JAKMIP3: variants seen among roughly 807,000 people sequenced by gnomAD.
JAKMIP3 encodes the protein janus kinase and microtubule-interacting protein 3.
A neutral mutation model predicts 118.5 loss-of-function variants in JAKMIP3; 58 were observed. The ratio of observed to expected loss-of-function variants is 0.49; its 90% CI spans 0.40 to 0.61. The LOEUF is 0.61. Among genes scored for constraint, JAKMIP3 ranks in the 20% least tolerant of loss-of-function variants. JAKMIP3 has a pLI of 0.00. For synonymous variants in JAKMIP3, 486 were observed against 451.2 expected, an observed-to-expected ratio of 1.08 and a Z score of -0.98; for missense variants, 950 against 1,109.0, an observed-to-expected ratio of 0.86 and a Z score of 2.04.
intron 1 of JAKMIP3, among the ~76,000 whole-genome samples, chr10:132,070,246 CA>C (rs1160646777): frequency 6.6e-6 from 1 of 152,110 alleles, no homozygotes; most frequent in Non-Finnish European, 1.5e-5. Flanking sequence ...CTCCTTGGTT[CA>C]AGAAATTCTC....
rs935006347 is a variant in JAKMIP3, at chr10:132,167,164, A to T, written c.*22+109A>T. ...GCCCACCTGCCATTCGATCAACTGG[A>T]AGGCGATGACCCAGCATCCCCAAAA... On this transcript the variant is annotated intron_variant, in intron 22 of 23. Coordinates refer to ENST00000684848, the MANE Select transcript of JAKMIP3 (RefSeq NM_001323087.2). 10 of 770,772 alleles carry T rather than the reference A, an allele frequency of 1.3e-5. No individual in the cohort carries two copies. In the Admixed American group the frequency reaches 1.8e-4, roughly 14 times the overall value. 47.7% of individuals were successfully genotyped at this position (770,772 alleles called of 1,614,324 possible). A position where few individuals can be genotyped will look rare whatever the true frequency, so the allele number is the denominator to read the frequency against.
At chr10:132,178,755 A>G (rs2060421099) in intron 23 of JAKMIP3, among the ~76,000 whole-genome samples, 1 of 152,142 alleles carries the variant, frequency 6.6e-6, no homozygotes, top group South Asian at 2.1e-4. Flanking sequence ...TCATCTGTTG[A>G]TTCTGAAGCA....
intron 19 of JAKMIP3, among the ~76,000 whole-genome samples, chr10:132,154,512 A>C (rs1001693882): frequency 5.3e-5 from 8 of 152,218 alleles, no homozygotes; most frequent in Non-Finnish European, 1.0e-4. Flanking sequence ...TTCCCCCGTG[A>C]CTGCACAAGC....
intron 21 of JAKMIP3, among the ~76,000 whole-genome samples, chr10:132,166,439 G>A (rs1258253875): frequency 6.6e-6 from 1 of 152,168 alleles, no homozygotes; most frequent in Non-Finnish European, 1.5e-5. Context: ...CCTGGCTCCC[G>A]ACCCCCAGCC....
chr10:132,106,212 C>T (rs1008804699), intron 2 of JAKMIP3, among the ~76,000 whole-genome samples: 22 of 152,180 alleles, frequency 1.4e-4, no homozygotes, highest in East Asian at 3.9e-4. Context: ...GTGGTATGCT[C>T]CTGTGGGCTC....
chr10:132,063,511 A>C (rs1209558349), upstream of JAKMIP3, among the ~76,000 whole-genome samples: 2 of 152,174 alleles, frequency 1.3e-5, no homozygotes, highest in African/African-American at 4.8e-5. Context: ...TTTCACTTTT[A>C]CAACTAGAAA....
intron 1 of JAKMIP3, among the ~76,000 whole-genome samples, chr10:132,098,115 G>A (rs1004615442): frequency 4.0e-5 from 6 of 150,332 alleles, no homozygotes; most frequent in African/African-American, 9.8e-5. Context: ...AGCTCACTGT[G>A]GCCTTGACCT....
intron 2 of JAKMIP3, 121 bp from the exon 3 acceptor site, chr10:132,116,956 C>G: frequency 8.2e-7 from 1 of 1,213,614 alleles, no homozygotes; most frequent in Admixed American, 2.7e-5. Flanking sequence ...GGAAGCTCCC[C>G]TTGAATACAC....
intron 17 of JAKMIP3, among the ~76,000 whole-genome samples, chr10:132,153,511 C>T (rs2056598353): frequency 6.6e-6 from 1 of 152,148 alleles, no homozygotes; most frequent in Non-Finnish European, 1.5e-5. Flanking sequence ...CCTACGGTGC[C>T]CCAAGCTAGT....
At chr10:132,163,552 A>C in intron 20 of JAKMIP3, 140 bp downstream of exon 20, 1 of 713,938 alleles carries the variant, frequency 1.4e-6, no homozygotes, top group Non-Finnish European at 2.3e-6. Context: ...CCCTCATAAC[A>C]CACACTCTGA....
intron 11 of JAKMIP3, chr10:132,144,058 C>A (rs2054110640): frequency 6.8e-6 from 1 of 147,416 alleles, no homozygotes; most frequent in Admixed American, 6.6e-5. Flanking sequence ...CCCACCCCGG[C>A]TGATGGATCC....
At chr10:132,169,381 G>T (rs1190847208) in intron 23 of JAKMIP3, among the ~76,000 whole-genome samples, 1 of 152,196 alleles carries the variant, frequency 6.6e-6, no homozygotes, top group South Asian at 2.1e-4. Context: ...GCCTCCCTCC[G>T]CTGCTCCCGT....
chr10:132,159,774 GGT>G (rs1564982433), intron 19 of JAKMIP3, among the ~76,000 whole-genome samples: 5 of 15,340 alleles, frequency 3.3e-4, no homozygotes, highest in Non-Finnish European at 5.8e-4. Context: ...GATACTGGGG[GGT>G]CTCTTCCTGT....
intron 2 of JAKMIP3, among the ~76,000 whole-genome samples, chr10:132,115,775 G>GA (rs373210492): frequency 8.6e-5 from 13 of 151,032 alleles, no homozygotes; most frequent in East Asian, 1.9e-4. Context: ...GTTAACTCGT[G>GA]AAAAAAAAAT....
chr10:132,135,466 G>A (rs1444058471), intron 5 of JAKMIP3, among the ~76,000 whole-genome samples: 1 of 152,218 alleles, frequency 6.6e-6, no homozygotes, highest in Non-Finnish European at 1.5e-5. Flanking sequence ...GTTGCCATTG[G>A]TCCTTATAGC....
intron 23 of JAKMIP3, among the ~76,000 whole-genome samples, chr10:132,178,465 T>A (rs1158948584): frequency 6.6e-6 from 1 of 152,256 alleles, no homozygotes; most frequent in Non-Finnish European, 1.5e-5. Context: ...GCAGAGTTAG[T>A]GGCTGCCATT....
At position 132,049,268 on chromosome 10, in the gene JAKMIP3, T is replaced by C. The variant is rs909764536; in HGVS notation, c.-138+12530T>C. On this transcript the variant is annotated intron_variant, in intron 1 of 23. Transcript: ENST00000657785. The surrounding 1 kb of genome is among the most constrained non-coding windows in gnomAD (Gnocchi z 4.3). ...TCTTCCGGGAGCACAGCTATAGCTA[T>C]GAGCACTGACCCACGGCTTTGCTTC... Among the ~76,000 whole-genome samples the C allele has an allele frequency of 3.9e-5, 6 of 152,216 alleles. No homozygotes were observed. The highest frequency in any genetic ancestry group is 1.4e-4 in the African/African-American group (6 of 41,456).
Position 132,163,307 on chromosome 10 carries a change from C to T in JAKMIP3, c.2319C>T (p.Leu773=). The T allele has an allele frequency of 1.2e-6, 2 of 1,607,818 alleles. No homozygotes were observed. Among genetic ancestry groups the T allele is most frequent in the East Asian group, 2.2e-5 (1 of 44,752 alleles). The change falls in exon 20 of 24, where the codon CTC becomes CTT. Residue 773 remains leucine, a synonymous_variant. Coordinates refer to ENST00000684848, the MANE Select transcript of JAKMIP3 (RefSeq NM_001323087.2). ...TGTCAGAGGAGGAGCGCGAGAAGCTCAAGGTGGCCGTGGAGCAGTGGAAGC... is the reference window on the plus strand; with the variant it reads ...TGTCAGAGGAGGAGCGCGAGAAGCTTAAGGTGGCCGTGGAGCAGTGGAAGC... The part of the protein sequence containing the change: ...ELLSEEEREK[L]KVAVEQWKRQ...
At chr10:132,057,305 A>G (rs2038263232) in intron 1 of JAKMIP3, among the ~76,000 whole-genome samples, 1 of 152,198 alleles carries the variant, frequency 6.6e-6, no homozygotes, top group African/African-American at 2.4e-5. Flanking sequence ...TCCTGGCTTC[A>G]GACCCACTGG....
Sources: gnomAD v4.1 joint callset for allele counts (sites outside exome capture counted in the v4.1 genomes callset) on GRCh38, gnomAD v4.1.1 for gene constraint, Gnocchi (gnomAD v3.1) non-coding constraint, MANE v1.5 for transcripts, NCBI Gene and HGNC (gene_info 2026-07-23, HGNC 2026-07-21) for gene names.